Variants in POU2AF1 observed in about 807,000 individuals in gnomAD.
POU2AF1 encodes POU class 2 homeobox associating factor 1.
POU2AF1 carries 12 observed loss-of-function variants against 26.3 expected under a neutral mutation model. That is an observed-to-expected ratio of 0.46 (90% CI 0.29 to 0.74). The LOEUF (loss-of-function observed/expected upper bound fraction) is 0.74. POU2AF1 is among the 30% of genes least tolerant of loss of function. The pLI is 0.09. For missense variants in POU2AF1, 297 were observed against 334.5 expected, an observed-to-expected ratio of 0.89 and a Z score of 0.87; for synonymous variants, 175 against 148.0, an observed-to-expected ratio of 1.18 and a Z score of -1.32.
At chr11:111,362,779 A>G (rs1196711104) in intron 1 of POU2AF1, among the ~76,000 whole-genome samples, 1 of 152,192 alleles carries the variant, frequency 6.6e-6, no homozygotes, top group African/African-American at 2.4e-5. Context: ...GGGTCTGAGC[A>G]CTGTGGTCAC....
At chr11:111,360,816 C>A (rs1374998469) in intron 1 of POU2AF1, among the ~76,000 whole-genome samples, 1 of 152,038 alleles carries the variant, frequency 6.6e-6, no homozygotes, top group Non-Finnish European at 1.5e-5. Context: ...TGGTGGCAGG[C>A]ACCTGTAATC....
chr11:111,362,734 C>T (rs1274623458), intron 1 of POU2AF1, among the ~76,000 whole-genome samples: 1 of 151,808 alleles, frequency 6.6e-6, no homozygotes, highest in Non-Finnish European at 1.5e-5. Flanking sequence ...GCATTGTGTA[C>T]TCAAGAGAAA....
At chr11:111,359,904 C>G (rs574539267) in intron 1 of POU2AF1, 1 of 518,438 alleles carries the variant, frequency 1.9e-6, no homozygotes, top group African/African-American at 1.9e-5. Flanking sequence ...TCTCCTACAC[C>G]TTTAGGATTG....
intron 2 of POU2AF1, among the ~76,000 whole-genome samples, chr11:111,358,442 T>TCACACACTCACA (rs1565360870): frequency 1.5e-4 from 7 of 46,820 alleles, no homozygotes; most frequent in Non-Finnish European, 3.1e-4. Flanking sequence ...ACACTCACTC[T>TCACACACTCACA]CACACACACA....
chr11:111,372,069 C>CAGAGAGAGAGAGAGAGAGAGAG (rs150182572), intron 1 of POU2AF1, among the ~76,000 whole-genome samples: 4 of 144,244 alleles, frequency 2.8e-5, no homozygotes, highest in Admixed American at 6.8e-5. Flanking sequence ...CACACACACA[C>CAGAGAGAGAGAGAGAGAGAGAG]AGAGAGAGAG....
chr11:111,374,057 T>C (rs1330154056), intron 1 of POU2AF1, among the ~76,000 whole-genome samples: 1 of 150,788 alleles, frequency 6.6e-6, no homozygotes, highest in Non-Finnish European at 1.5e-5. Context: ...CAAATATTTA[T>C]AAGACTTCTT....
rs775534997 is a variant in POU2AF1 at position 111,358,934 on chromosome 11, T to G, written c.17-16A>C. On this transcript the variant is annotated splice_polypyrimidine_tract_variant and intron_variant, in intron 1 of 4. Coordinates refer to ENST00000393067, the MANE Select transcript of POU2AF1 (RefSeq NM_006235.3). ...GGAGCTGTGGCTGTGAAAAGCAATGTCCCTGGAGCCCATGGTCCTTCTCAG... is the reference window on the plus strand; with the variant it reads ...GGAGCTGTGGCTGTGAAAAGCAATGGCCCTGGAGCCCATGGTCCTTCTCAG... The G allele has an allele frequency of 1.3e-6, 2 of 1,592,838 alleles. No individual in the cohort carries two copies. Among genetic ancestry groups the G allele is most frequent in the Non-Finnish European group, 1.7e-6 (2 of 1,174,670 alleles).
chr11:111,355,392 G>C (rs936223812), intron 4 of POU2AF1, among the ~76,000 whole-genome samples: 3 of 152,214 alleles, frequency 2.0e-5, no homozygotes, highest in Non-Finnish European at 4.4e-5. Context: ...CTGCAACAGG[G>C]GCGGGACCTG....
chr11:111,359,020 C>T, intron 1 of POU2AF1, 102 bp from the exon 2 acceptor site: 2 of 1,494,536 alleles, frequency 1.3e-6, no homozygotes, highest in Non-Finnish European at 1.8e-6. Context: ...CTAAGTCGTG[C>T]TTGAACACGG....
Position 111,354,593 on chromosome 11 carries a change from G to A in POU2AF1, c.457-18C>T, listed in dbSNP as rs751351011. ...CTTCTTGTCTGTGACAGGAAAACAC[G>A]TGACAGAGGGTTAGCAGCCCCAGGA... On this transcript the variant is annotated intron_variant, in intron 4 of 4. Transcript: ENST00000393067. The A allele has an allele frequency of 1.0e-5, 15 of 1,499,642 alleles. No homozygotes were observed. The highest frequency in any genetic ancestry group is 7.0e-5 in the East Asian group (3 of 42,906). 92.9% of individuals were successfully genotyped at this position (1,499,642 alleles called of 1,614,324 possible).
intron 1 of POU2AF1, among the ~76,000 whole-genome samples, chr11:111,361,101 T>G (rs977738434): frequency 2.0e-5 from 3 of 152,176 alleles, no homozygotes; most frequent in Non-Finnish European, 4.4e-5. Flanking sequence ...ACAAGAGATC[T>G]CTACTGGTAT....
chr11:111,368,255 C>T (rs77048362), intron 1 of POU2AF1, among the ~76,000 whole-genome samples: 2 of 152,238 alleles, frequency 1.3e-5, no homozygotes, highest in African/African-American at 2.4e-5. Context: ...TCTGTAGAGA[C>T]TGTATAGAGG....
chr11:111,372,107 C>A (rs1861225574), intron 1 of POU2AF1, among the ~76,000 whole-genome samples: 1 of 147,894 alleles, frequency 6.8e-6, no homozygotes, highest in South Asian at 2.1e-4. Flanking sequence ...AGCAGCCTGA[C>A]TTTTCCAAAG....
rs201453647 is a variant in POU2AF1 at position 111,357,741 on chromosome 11, G to A, written c.191-31C>T. ...GGAAGAAGGAAATTACAGAACTTCA[G>A]ATGCCACCCAGATGAGAGGCCTGGG... On this transcript the variant is annotated intron_variant, in intron 3 of 4. Coordinates refer to ENST00000393067, the MANE Select transcript of POU2AF1 (RefSeq NM_006235.3). 5.0e-6 allele frequency: 8 copies of A among 1,612,086 alleles called. 1 individual carries two copies. In the East Asian group the frequency reaches 1.6e-4, roughly 31 times the overall value.
intron 1 of POU2AF1, among the ~76,000 whole-genome samples, chr11:111,365,335 G>A (rs1358278626): frequency 6.6e-6 from 1 of 152,188 alleles, no homozygotes; most frequent in Non-Finnish European, 1.5e-5. Flanking sequence ...TCAAGCCTGA[G>A]AAAGAAGTCA....
intron 4 of POU2AF1, among the ~76,000 whole-genome samples, chr11:111,355,523 C>T (rs1418187078): frequency 6.6e-6 from 1 of 152,168 alleles, no homozygotes; most frequent in African/African-American, 2.4e-5. Flanking sequence ...TCATATATCC[C>T]TCCTACTGTC....
chr11:111,367,956 A>T (rs1410873488), intron 1 of POU2AF1, among the ~76,000 whole-genome samples: 1 of 152,212 alleles, frequency 6.6e-6, no homozygotes, highest in African/African-American at 2.4e-5. Flanking sequence ...GTTCGCAGAT[A>T]CACTGTGTCC....
At position 111,357,591 on chromosome 11, in the gene POU2AF1, G is replaced by T. The variant is rs1257466497; in HGVS notation, c.310C>A (p.Pro104Thr). ...TCATGGGGCACATACTCGGTGTAAGGTGTCCATGGGGCCAGGGGCTGCAGG... is the reference window on the plus strand; with the variant it reads ...TCATGGGGCACATACTCGGTGTAAGTTGTCCATGGGGCCAGGGGCTGCAGG... ...ATLQPLAPWT[P>T]YTEYVPHEAV... Residue 104 changes from proline (P) to threonine (T), a missense_variant, in exon 4 of 5, where the codon CCT becomes ACT. Pro to Thr is a conservative substitution (Grantham distance 38). Coordinates refer to ENST00000393067, the MANE Select transcript of POU2AF1 (RefSeq NM_006235.3). 6.2e-7 allele frequency: 1 copy of T among 1,614,102 alleles called. No individual in the cohort carries two copies. The highest frequency in any genetic ancestry group is 1.7e-5 in the Admixed American group (1 of 60,016).
At chr11:111,367,701 T>G (rs1861131389) in intron 1 of POU2AF1, among the ~76,000 whole-genome samples, 1 of 152,162 alleles carries the variant, frequency 6.6e-6, no homozygotes, top group South Asian at 2.1e-4. Flanking sequence ...TGATCCAGTC[T>G]CCCTCAATTG....
Sources: allele counts gnomAD v4.1 joint callset (sites outside exome capture counted in the v4.1 genomes callset), GRCh38; gene constraint gnomAD v4.1.1; transcripts MANE v1.5; gene names NCBI Gene and HGNC (gene_info 2026-07-23, HGNC 2026-07-21).